The following MAPK1IP1L variants were observed in gnomAD, a reference collection of about 807,000 sequenced individuals.
MAPK1IP1L encodes the protein MAPK-interacting and spindle-stabilizing protein-like.
In MAPK1IP1L, 10 loss-of-function variants were observed where a neutral mutation model predicts 18.1. That is an observed-to-expected ratio of 0.55 (90% CI 0.34 to 0.94). MAPK1IP1L has a LOEUF of 0.94. Among genes scored for constraint, MAPK1IP1L ranks in the 40% least tolerant of loss-of-function variants. MAPK1IP1L has a pLI of 0.02. For missense variants in MAPK1IP1L, 260 were observed against 318.2 expected (o/e 0.82, Z 1.39); for synonymous variants, 115 against 117.3 (o/e 0.98, Z 0.13).
chr14:55,066,801 T>C lies in MAPK1IP1L; in HGVS notation c.*2174T>C, dbSNP rs2042865214. On this transcript the variant is annotated 3_prime_UTR_variant, in exon 4 of 4. Transcript: ENST00000395468. ...GGATTATTACTCCCTATAAGTATAA[T>C]AATTTTGCTAGTGACCCATACTGTC... is the stretch of plus-strand genomic sequence containing the variant. 1 of 152,152 alleles carries C rather than the reference T, an allele frequency of 6.6e-6. No homozygotes were observed. The highest frequency in any genetic ancestry group is 1.5e-5 in the Non-Finnish European group (1 of 68,032). The allele number at this position is 152,152 out of a possible 1,614,324, so 9.4% of individuals were successfully genotyped here. A position where few individuals can be genotyped will look rare whatever the true frequency, so the allele number is the denominator to read the frequency against.
rs763634125 is a variant in MAPK1IP1L at position 55,063,194 on chromosome 14, T to C, written c.595T>C (p.Trp199Arg). The C allele has an allele frequency of 3.7e-6, 6 of 1,614,038 alleles. No individual in the cohort carries two copies. The Admixed American group carries it at 8.3e-5, about 22-fold the overall frequency. ...VPWGTVPPGA[W>R]GPPAPYPAPT... ...ATGGGGCACCGTTCCACCAGGAGCCTGGGGACCACCAGCACCATATCCTGC... is the reference window on the plus strand; with the variant it reads ...ATGGGGCACCGTTCCACCAGGAGCCCGGGGACCACCAGCACCATATCCTGC... Residue 199 changes from tryptophan to arginine, a missense_variant, in exon 3 of 4, where the codon TGG becomes CGG. Physicochemically the swap from Trp to Arg is moderately radical, Grantham distance 101 (BLOSUM62 -3). Coordinates refer to ENST00000395468, the MANE Select transcript of MAPK1IP1L (RefSeq NM_144578.4).
At chr14:55,059,225 G>GAAAAAAAAAAAAAAAAAAAAAAAAAATA (rs3078612) in intron 1 of MAPK1IP1L, among the ~76,000 whole-genome samples, 2 of 63,282 alleles carry the variant, frequency 3.2e-5, no homozygotes, top group Admixed American at 2.0e-4. Context: ...AGGAAAATCT[G>GAAAAAAAAAAAAAAAAAAAAAAAAAATA]AAAAAAAAAA....
In MAPK1IP1L at chr14:55,067,676, T is replaced by G. The variant is rs536050159; in HGVS notation, c.*3049T>G. The G allele has an allele frequency of 6.6e-6, 1 of 152,326 alleles. No individual in the cohort carries two copies. The highest frequency in any genetic ancestry group is 2.4e-5 in the African/African-American group (1 of 41,580). The allele number at this position is 152,326 out of a possible 1,614,324, so 9.4% of individuals were successfully genotyped here. ...CCTCAGCCTCCCAAAGTGCTGAGAT[T>G]ACAGGCGTGAGCCACCATGCGTGAC... On this transcript the variant is annotated 3_prime_UTR_variant, in exon 4 of 4. Transcript: ENST00000395468.
intron 1 of MAPK1IP1L, chr14:55,060,656 T>C (rs6572999): frequency 0.51 from 76,793 of 152,048 alleles, 21,315 homozygotes; most frequent in African/African-American, 0.74. Context: ...TGAGGCAAGG[T>C]AGTTGATTGG....
chr14:55,062,738 T>A lies in MAPK1IP1L; in HGVS notation c.139T>A (p.Ser47Thr). Residue 47 changes from serine (S) to threonine (T), a missense_variant, in exon 3 of 4, where the codon TCT (serine) becomes ACT (threonine). Transcript: ENST00000395468. The stretch of plus-strand genomic sequence containing the variant: ...CCCTTGGAATAATCCGAGTGCTCCA[T>A]CTTCAGTGCCATCTGGACTCCCACC... The part of the protein sequence containing the change: ...SNPWNNPSAP[S>T]SVPSGLPPSA... The A allele has an allele frequency of 1.2e-6, 2 of 1,614,146 alleles. No homozygotes were observed. The highest frequency in any genetic ancestry group is 2.2e-5 in the South Asian group (2 of 91,084).
rs2042756773 is a variant in MAPK1IP1L, at chr14:55,054,621, A to G, written c.-5+2818A>G. Reference sequence around the variant, plus strand: ...CAGGAATTATAACTTCTACAGATGGAAAATGGTCTCTTATTGAGAAGTTTT... The same window carrying G: ...CAGGAATTATAACTTCTACAGATGGGAAATGGTCTCTTATTGAGAAGTTTT... On this transcript the variant is annotated intron_variant, in intron 1 of 3. Coordinates refer to ENST00000395468, the MANE Select transcript of MAPK1IP1L (RefSeq NM_144578.4). 2.0e-5 allele frequency among the ~76,000 whole-genome samples: 3 copies of G among 152,218 alleles called. No individual in the cohort carries two copies. The South Asian group carries it at 6.2e-4, about 32-fold the overall frequency.
At chr14:55,057,055 CAG>C (rs1464519660) in intron 1 of MAPK1IP1L, among the ~76,000 whole-genome samples, 1 of 152,098 alleles carries the variant, frequency 6.6e-6, no homozygotes, top group Admixed American at 6.5e-5. Flanking sequence ...TCTTTATTAA[CAG>C]AATAGGAATA....
chr14:55,053,906 C>T (rs1285628587), intron 1 of MAPK1IP1L, among the ~76,000 whole-genome samples: 1 of 152,122 alleles, frequency 6.6e-6, no homozygotes, highest in Non-Finnish European at 1.5e-5. Context: ...AGAAATATTG[C>T]AGGTTGCATA....
intron 3 of MAPK1IP1L, among the ~76,000 whole-genome samples, chr14:55,063,669 C>T (rs1030525046): frequency 4.6e-5 from 7 of 152,138 alleles, no homozygotes; most frequent in Admixed American, 2.0e-4. Flanking sequence ...TGTTTTATAG[C>T]ATCACACCAA....
rs1026510733 is a variant in MAPK1IP1L, at chr14:55,069,723, CCT to C, written c.*5100_*5101del. ...TGGAAACCACCCTTCCTCCGCAAAC[CCT>C]CTCAGCAACATGGTGTCCATTGTGG... On this transcript the variant is annotated 3_prime_UTR_variant, in exon 4 of 4. Coordinates refer to ENST00000395468, the MANE Select transcript of MAPK1IP1L (RefSeq NM_144578.4). 11 of 152,230 alleles carry C rather than the reference CCT, an allele frequency of 7.2e-5. No individual in the cohort carries two copies. Among genetic ancestry groups the C allele is most frequent in the African/African-American group, 2.6e-4 (11 of 41,532 alleles). The allele number at this position is 152,230 out of a possible 1,614,324, so 9.4% of individuals were successfully genotyped here. A position where few individuals can be genotyped will look rare whatever the true frequency, so the allele number is the denominator to read the frequency against.
chr14:55,053,292 C>T (rs2042745078), intron 1 of MAPK1IP1L, among the ~76,000 whole-genome samples: 1 of 152,210 alleles, frequency 6.6e-6, no homozygotes, highest in South Asian at 2.1e-4. Flanking sequence ...TTGGACTTGT[C>T]AACTCTGGCC....
At chr14:55,057,989 A>G (rs958487786) in intron 1 of MAPK1IP1L, among the ~76,000 whole-genome samples, 2 of 152,144 alleles carry the variant, frequency 1.3e-5, no homozygotes, top group African/African-American at 2.4e-5. Flanking sequence ...GATTAATAAA[A>G]AGATAATTAT....
Position 55,062,993 on chromosome 14 carries a change from G to A in MAPK1IP1L, c.394G>A (p.Ala132Thr). ...PFPELPRPYG[A>T]PTDPAAAGPL... Reference sequence around the variant, plus strand: ...TCCAGAGCTACCCAGACCATATGGTGCACCCACAGATCCAGCTGCAGCTGG... The same window carrying A: ...TCCAGAGCTACCCAGACCATATGGTACACCCACAGATCCAGCTGCAGCTGG... Residue 132 changes from alanine (A) to threonine (T), a missense_variant, in exon 3 of 4, where the codon GCA (alanine) becomes ACA (threonine). By Grantham distance (58) the Ala-to-Thr change is moderately conservative. Coordinates refer to ENST00000395468, the MANE Select transcript of MAPK1IP1L (RefSeq NM_144578.4). 6.2e-7 allele frequency: 1 copy of A among 1,613,722 alleles called. No homozygotes were observed. The highest frequency in any genetic ancestry group is 8.5e-7 in the Non-Finnish European group (1 of 1,179,720).
At chr14:55,058,637 C>G (rs1258183139) in intron 1 of MAPK1IP1L, among the ~76,000 whole-genome samples, 1 of 152,052 alleles carries the variant, frequency 6.6e-6, no homozygotes, top group Non-Finnish European at 1.5e-5. Flanking sequence ...TCAAGAGCAG[C>G]CTGGCCAACG....
At chr14:55,053,699 C>G (rs974502013) in intron 1 of MAPK1IP1L, among the ~76,000 whole-genome samples, 3 of 152,162 alleles carry the variant, frequency 2.0e-5, no homozygotes, top group African/African-American at 7.2e-5. Context: ...CCCAGAGATT[C>G]TCCCAGTTTT....
chr14:55,055,040 G>A (rs893308585), intron 1 of MAPK1IP1L, among the ~76,000 whole-genome samples: 1 of 152,158 alleles, frequency 6.6e-6, no homozygotes, highest in East Asian at 1.9e-4. Flanking sequence ...AGCCTTTCTT[G>A]AGTATAAATT....
At chr14:55,062,119 C>T (rs1444083565) in intron 2 of MAPK1IP1L, among the ~76,000 whole-genome samples, 1 of 152,118 alleles carries the variant, frequency 6.6e-6, no homozygotes, top group East Asian at 1.9e-4. Flanking sequence ...TTCTCTTTTA[C>T]CCTGATAGTA....
In MAPK1IP1L at chr14:55,068,519, C is replaced by G. The variant is rs965325347; in HGVS notation, c.*3892C>G. On this transcript the variant is annotated 3_prime_UTR_variant, in exon 4 of 4. Coordinates refer to ENST00000395468, the MANE Select transcript of MAPK1IP1L (RefSeq NM_144578.4). ...GATAGAAGCTAGCTTTATCAAATGC[C>G]AAGGTTAGAAAGCCTGGAAATAAAA... 1 of 152,480 alleles carries G rather than the reference C, an allele frequency of 6.6e-6. No individual in the cohort carries two copies. Among genetic ancestry groups the G allele is most frequent in the African/African-American group, 2.4e-5 (1 of 41,422 alleles). The allele number at this position is 152,480 out of a possible 1,614,324, so 9.4% of individuals were successfully genotyped here. A position where few individuals can be genotyped will look rare whatever the true frequency, so the allele number is the denominator to read the frequency against.
In MAPK1IP1L at chr14:55,067,762, CTG is replaced by C. The variant is rs1269370443; in HGVS notation, c.*3136_*3137del. On this transcript the variant is annotated 3_prime_UTR_variant, in exon 4 of 4. Transcript: ENST00000395468. Reference sequence around the variant, plus strand: ...CAAAACAAGACATGCTAGGCTGAAACTGATTTATGGAAAAGACTGCTTGTTAG... The same window carrying C: ...CAAAACAAGACATGCTAGGCTGAAACATTTATGGAAAAGACTGCTTGTTAG... The C allele has an allele frequency of 2.6e-5, 4 of 152,086 alleles. No individual in the cohort carries two copies. The highest frequency in any genetic ancestry group is 6.6e-5 in the Admixed American group (1 of 15,256). The allele number at this position is 152,086 out of a possible 1,614,324, so 9.4% of individuals were successfully genotyped here.
Sources: gnomAD v4.1 joint callset for allele counts (sites outside exome capture counted in the v4.1 genomes callset) on GRCh38, gnomAD v4.1.1 for gene constraint, MANE v1.5 for transcripts, NCBI Gene and HGNC (gene_info 2026-07-23, HGNC 2026-07-21) for gene names.